Variants in HEXA observed in about 807,000 individuals in gnomAD.
HEXA encodes the protein beta-hexosaminidase subunit alpha.
Under a neutral mutation model 73.3 loss-of-function variants are expected in HEXA, and 54 were observed. That is an observed-to-expected ratio of 0.74 (90% CI 0.59 to 0.92). The LOEUF (loss-of-function observed/expected upper bound fraction) is 0.92. Ranked by LOEUF, HEXA falls within the 40% of genes least tolerant of loss-of-function variation. The pLI, the probability that HEXA is intolerant of heterozygous loss-of-function variation, is 0.00. For synonymous variants in HEXA, 230 were observed against 246.9 expected, an observed-to-expected ratio of 0.93 and a Z score of 0.64; for missense variants, 649 against 653.0, an observed-to-expected ratio of 0.99 and a Z score of 0.07.
chr15:72,356,416 G>T, intron 2 of HEXA, 109 bp downstream of exon 2: 1 of 1,216,986 alleles, frequency 8.2e-7, no homozygotes, highest in Admixed American at 1.9e-5. Flanking sequence ...GGTCCCCAGG[G>T]TCAAGGGGGA....
At chr15:72,356,997 T>C (rs1025831443) in intron 1 of HEXA, 12 of 352,106 alleles carry the variant, frequency 3.4e-5, no homozygotes, top group South Asian at 2.3e-4. Flanking sequence ...AGCTGCCAAT[T>C]TGCAAACTGT....
intron 1 of HEXA, among the ~76,000 whole-genome samples, chr15:72,364,735 T>C (rs1310632214): frequency 2.0e-5 from 3 of 152,120 alleles, no homozygotes; most frequent in Non-Finnish European, 4.4e-5. Context: ...ATCTCAATTC[T>C]TTTTCACCAT....
At chr15:72,347,645 G>A in intron 10 of HEXA, 41 bp downstream of exon 10, 1 of 1,497,536 alleles carries the variant, frequency 6.7e-7, no homozygotes, top group Admixed American at 1.7e-5. Flanking sequence ...ACCAGAGGGA[G>A]GCACTGCTGG....
Position 72,348,135 on chromosome 15 carries a change from C to T in HEXA, c.987-1G>A. On this transcript the variant is annotated splice_acceptor_variant, in intron 8 of 13. Coordinates refer to ENST00000268097, the MANE Select transcript of HEXA (RefSeq NM_000520.6). LOFTEE classifies it high-confidence loss of function. ...GTCCTGGATCTCTGGGTTGGACTTC[C>T]TGAATCCCAAGAGAAAATGAAGATT... 1 of 1,603,522 alleles carries T rather than the reference C, an allele frequency of 6.2e-7. No homozygotes were observed. Among genetic ancestry groups the T allele is most frequent in the Non-Finnish European group, 8.5e-7 (1 of 1,170,412 alleles).
intron 1 of HEXA, chr15:72,359,374 A>G (rs1437024697): frequency 3.9e-5 from 6 of 152,164 alleles, no homozygotes; most frequent in Admixed American, 3.9e-4. Flanking sequence ...GGTTCACTGA[A>G]AACTTTGTAT....
chr15:72,352,332 T>C (rs764043204), intron 5 of HEXA, among the ~76,000 whole-genome samples: 2 of 151,534 alleles, frequency 1.3e-5, no homozygotes, highest in Non-Finnish European at 2.9e-5. Context: ...CCAGGTGTAG[T>C]GACTCATGCC....
chr15:72,347,013 G>A (rs2088624310), intron 10 of HEXA, among the ~76,000 whole-genome samples: 1 of 151,558 alleles, frequency 6.6e-6, no homozygotes, highest in Non-Finnish European at 1.5e-5. Context: ...GAGCTGCCAT[G>A]TCCAAAAGTC....
chr15:72,374,538 A>G (rs1296281396), intron 1 of HEXA, among the ~76,000 whole-genome samples: 1 of 46,360 alleles, frequency 2.2e-5, no homozygotes, highest in East Asian at 9.0e-4. Context: ...CACTTGAAAC[A>G]TCATATAAAA....
chr15:72,371,572 T>G (rs7174287), intron 1 of HEXA, among the ~76,000 whole-genome samples: 1 of 132,194 alleles, frequency 7.6e-6, no homozygotes, highest in Non-Finnish European at 1.5e-5. Flanking sequence ...GGTGACAAAA[T>G]AAGACCCTGT....
At chr15:72,347,557 A>T in intron 10 of HEXA, 129 bp downstream of exon 10, 2 of 781,062 alleles carry the variant, frequency 2.6e-6, no homozygotes, top group South Asian at 2.9e-5. Flanking sequence ...TAGAGAGAAA[A>T]GGAGAGTGCT....
intron 2 of HEXA, 100 bp from the exon 3 acceptor site, chr15:72,355,724 A>AG (rs776320944): frequency 3.9e-5 from 32 of 818,702 alleles, no homozygotes; most frequent in Non-Finnish European, 6.7e-5. Flanking sequence ...AAAAAAAAAA[A>AG]CAGTAAGACC....
Position 72,365,099 on chromosome 15 carries a change from C to CT in HEXA, c.254-8483dup, listed in dbSNP as rs1239069254. 7.3e-5 allele frequency among the ~76,000 whole-genome samples: 11 copies of CT among 149,900 alleles called. No individual in the cohort carries two copies. In the East Asian group the frequency reaches 1.6e-3, roughly 22 times the overall value. ...ATTTACTAGCCAAATTTTTTTTACT[C>CT]TTTTTTTTGAGACGGAGTCTCGCTC... On this transcript the variant is annotated intron_variant, in intron 1 of 13. Coordinates refer to ENST00000268097, the MANE Select transcript of HEXA (RefSeq NM_000520.6).
rs151251788 is a variant in HEXA at position 72,346,628 on chromosome 15, G to A, written c.1229C>T (p.Ala410Val). 40 of 1,614,046 alleles carry A rather than the reference G, an allele frequency of 2.5e-5. No individual in the cohort carries two copies. In the African/African-American group the frequency reaches 4.8e-4, roughly 19 times the overall value. Residue 410 changes from alanine to valine, a missense_variant, in exon 11 of 14, where the codon GCC (alanine) becomes GTC (valine). Coordinates refer to ENST00000268097, the MANE Select transcript of HEXA (RefSeq NM_000520.6). ...GGCAGAGAGAAGGGCCCGGAAGCCG[G>A]CCTTGGTGACCAGTTCCAGCTCCTT... ...YMKELELVTK[A>V]GFRALLSAPW...
intron 5 of HEXA, 96 bp downstream of exon 5, chr15:72,352,972 C>A: frequency 1.3e-6 from 1 of 779,982 alleles, no homozygotes. Flanking sequence ...TCCATACATT[C>A]CCTCTCTAAC....
At chr15:72,356,800 C>A (rs2088790819) in intron 1 of HEXA, 183 bp from the exon 2 acceptor site, 2 of 837,808 alleles carry the variant, frequency 2.4e-6, no homozygotes, top group South Asian at 1.5e-5. Flanking sequence ...TCGTTGTGCC[C>A]CTCTTCTCCT....
Position 72,346,574 on chromosome 15 carries a change from C to T in HEXA, c.1283G>A (p.Gly428Asp), listed in dbSNP as rs2140320638. The T allele has an allele frequency of 1.2e-6, 2 of 1,614,042 alleles. No homozygotes were observed. Among genetic ancestry groups the T allele is most frequent in the Admixed American group, 1.7e-5 (1 of 60,010 alleles). The change falls in exon 11 of 14, where the codon GGC (glycine) becomes GAC (aspartate). Residue 428 changes from glycine to aspartate, a missense_variant. Transcript: ENST00000268097. Reference protein sequence around the residue: ...APWYLNRISYGPDWKDFYIVE... With the variant: ...APWYLNRISYDPDWKDFYIVE... ...TATGTAGAAATCCTTCCAGTCAGGG[C>T]CATAGGATATACGGTTCAGGTACCA...
At chr15:72,345,635 A>G in intron 12 of HEXA, 85 bp from the exon 13 acceptor site, 2 of 1,572,942 alleles carry the variant, frequency 1.3e-6, no homozygotes, top group South Asian at 1.2e-5. Flanking sequence ...CCTCTTGTCT[A>G]GGCACCCTGG....
intron 1 of HEXA, among the ~76,000 whole-genome samples, chr15:72,375,087 G>C (rs1010516756): frequency 1.7e-5 from 2 of 115,528 alleles, no homozygotes; most frequent in East Asian, 4.1e-4. Context: ...GTTTTGTTTG[G>C]GGGGGGGGGT....
chr15:72,343,122 G>A lies in HEXA; in HGVS notation c.*955C>T, dbSNP rs1005038911. On this transcript the variant is annotated 3_prime_UTR_variant, in exon 14 of 14. Coordinates refer to ENST00000268097, the MANE Select transcript of HEXA (RefSeq NM_000520.6). ...TGTAGTCCCAGCTACTGGGGAGGCTGAGGCAGGAGAATGGCGTGAACCCAG... is the reference window on the plus strand; with the variant it reads ...TGTAGTCCCAGCTACTGGGGAGGCTAAGGCAGGAGAATGGCGTGAACCCAG... The A allele has an allele frequency of 6.6e-6, 1 of 152,280 alleles. No homozygotes were observed. Among genetic ancestry groups the A allele is most frequent in the South Asian group, 2.1e-4 (1 of 4,842 alleles). The allele number at this position is 152,280 out of a possible 1,614,324, so 9.4% of individuals were successfully genotyped here.
Sources: gnomAD v4.1 joint callset for allele counts (sites outside exome capture counted in the v4.1 genomes callset) on GRCh38, gnomAD v4.1.1 for gene constraint, MANE v1.5 for transcripts, NCBI Gene and HGNC (gene_info 2026-07-23, HGNC 2026-07-21) for gene names.